Variants in PRDM16 observed in about 807,000 individuals in gnomAD.
PRDM16 encodes the protein PR/SET domain 16, also known as histone-lysine N-methyltransferase PRDM16.
PRDM16 carries 23 observed loss-of-function variants against 110.6 expected under a neutral mutation model. The ratio of observed to expected loss-of-function variants is 0.21; its 90% CI spans 0.15 to 0.29. The LOEUF (loss-of-function observed/expected upper bound fraction) is 0.29, where lower values mean the gene tolerates loss of function less well. Ranked by LOEUF, PRDM16 falls within the 10% of genes least tolerant of loss-of-function variation. The probability of loss-of-function intolerance (pLI) is 1.00; values close to 1 mark genes in which losing one functional copy is unlikely to be tolerated. For missense variants in PRDM16, 1,615 were observed against 1,794.3 expected (o/e 0.90, Z 1.81); for synonymous variants, 799 against 781.8 (o/e 1.02, Z -0.37).
At chr1:3,078,189 G>A (rs1035721171) in intron 1 of PRDM16, among the ~76,000 whole-genome samples, 6 of 152,198 alleles carry the variant, frequency 3.9e-5, no homozygotes, top group African/African-American at 1.4e-4. Flanking sequence ...TCATGGTGTG[G>A]TGGGATTCCT....
intron 2 of PRDM16, among the ~76,000 whole-genome samples, chr1:3,192,534 T>G (rs1638338007): frequency 6.6e-6 from 1 of 152,168 alleles, no homozygotes; most frequent in Non-Finnish European, 1.5e-5. Flanking sequence ...GAGGTCCTAT[T>G]GGAGGCTCTG....
intron 1 of PRDM16, among the ~76,000 whole-genome samples, chr1:3,105,768 C>T (rs987400297): frequency 1.3e-5 from 2 of 152,262 alleles, no homozygotes; most frequent in Non-Finnish European, 2.9e-5. Flanking sequence ...GCCTCCCGCC[C>T]TGAGAACGGG....
Position 3,433,823 on chromosome 1 carries a change from G to T in PRDM16, c.*12G>T, listed in dbSNP as rs1256188133. Reference sequence around the variant, plus strand: ...TCAACCACCTCTGACGGGCTGGGCAGCCGGGGGCCGGTGGCCAGAGCGAGG... The same window carrying T: ...TCAACCACCTCTGACGGGCTGGGCATCCGGGGGCCGGTGGCCAGAGCGAGG... On this transcript the variant is annotated 3_prime_UTR_variant, in exon 17 of 17. Transcript: ENST00000270722. 6.2e-7 allele frequency: 1 copy of T among 1,611,624 alleles called. No homozygotes were observed. The highest frequency in any genetic ancestry group is 8.5e-7 in the Non-Finnish European group (1 of 1,179,676).
At chr1:3,220,357 G>A (rs1184339058) in intron 2 of PRDM16, among the ~76,000 whole-genome samples, 4 of 152,096 alleles carry the variant, frequency 2.6e-5, no homozygotes, top group East Asian at 1.9e-4. Flanking sequence ...TCAGACTCAC[G>A]CCCAGGGCCA....
chr1:3,426,291 A>C (rs1309260179), intron 14 of PRDM16, 66 bp downstream of exon 14: 1 of 1,380,872 alleles, frequency 7.2e-7, no homozygotes, highest in African/African-American at 1.4e-5. Flanking sequence ...GGCCACCCTC[A>C]GAGGACATGC....
rs548868587 is a variant in PRDM16 at position 3,112,128 on chromosome 1, C to T, written c.37+42832C>T. On this transcript the variant is annotated intron_variant, in intron 1 of 16. Transcript: ENST00000270722. ...CTAACTTGAGAAGTTCCTTTCCCCC[C>T]CTTATTTTTGGGGGTGAATTCAGAA... Among the ~76,000 whole-genome samples, 9 of 152,286 alleles carry T rather than the reference C, an allele frequency of 5.9e-5. No homozygotes were observed. The South Asian group carries it at 1.7e-3, about 28-fold the overall frequency.
chr1:3,264,036 CA>C (rs1557566121), intron 3 of PRDM16, among the ~76,000 whole-genome samples: 1 of 152,166 alleles, frequency 6.6e-6, no homozygotes, highest in Admixed American at 6.5e-5. Flanking sequence ...GACTCCTGGC[CA>C]TCTTCCACAA....
intron 3 of PRDM16, among the ~76,000 whole-genome samples, chr1:3,384,287 G>T (rs1489626483): frequency 6.6e-6 from 1 of 152,180 alleles, no homozygotes; most frequent in Non-Finnish European, 1.5e-5. Context: ...TGCCCTGTCT[G>T]GGCTGGGCTG....
chr1:3,433,254 G>A (rs140716344), intron 16 of PRDM16, among the ~76,000 whole-genome samples: 1,559 of 152,372 alleles, frequency 0.01, 11 homozygotes, highest in Non-Finnish European at 0.015. Context: ...GGCGGCCCTC[G>A]TCCCTCCCGC....
chr1:3,324,249 C>T (rs1398536884), intron 3 of PRDM16, among the ~76,000 whole-genome samples: 1 of 152,082 alleles, frequency 6.6e-6, no homozygotes, highest in East Asian at 1.9e-4. Flanking sequence ...GCACTAGGAG[C>T]CCCAAGGAGG....
intron 3 of PRDM16, among the ~76,000 whole-genome samples, chr1:3,323,563 C>CCCGCCAGCTG (rs1176758578): frequency 4.6e-5 from 7 of 152,212 alleles, no homozygotes; most frequent in Non-Finnish European, 8.8e-5. Flanking sequence ...GATCAGGGGC[C>CCCGCCAGCTG]CCGCCAGCTG....
intron 1 of PRDM16, among the ~76,000 whole-genome samples, chr1:3,100,562 C>T (rs1424146229): frequency 6.6e-6 from 1 of 152,168 alleles, no homozygotes; most frequent in Non-Finnish European, 1.5e-5. Flanking sequence ...ATCCCACAGG[C>T]CTGGAGAAGC....
rs1638560049 is a variant in PRDM16, at chr1:3,425,136, G to A, written c.2940-445G>A. ...TCTGTCGCCCAGGCTGGAGTGCGGT[G>A]GCGTGATCTTGGCTCACTGCAAGCT... On this transcript the variant is annotated intron_variant, in intron 12 of 16. Transcript: ENST00000270722. This position sits in a 1 kb window ranked among gnomAD's most constrained non-coding sequence, Gnocchi z 6.9. 6.6e-6 allele frequency: 1 copy of A among 151,240 alleles called. No individual in the cohort carries two copies. The highest frequency in any genetic ancestry group is 2.5e-5 in the African/African-American group (1 of 40,224). 9.4% of individuals were successfully genotyped at this position (151,240 alleles called of 1,614,324 possible). A position where few individuals can be genotyped will look rare whatever the true frequency, so the allele number is the denominator to read the frequency against.
In PRDM16 at chr1:3,410,086, ATG is replaced by A. The variant is rs999459734; in HGVS notation, c.1187-1291_1187-1290del. ...TGGTTGTGTATGTGCATGTGTATGA[ATG>A]TGTGTGGTTGTGTGTGTGCGTGTGT... On this transcript the variant is annotated intron_variant, in intron 8 of 16. Transcript: ENST00000270722. Among the ~76,000 whole-genome samples the A allele has an allele frequency of 3.0e-4, 32 of 106,316 alleles. No individual in the cohort carries two copies. In the Admixed American group the frequency reaches 3.2e-3, roughly 11 times the overall value. 69.7% of individuals were successfully genotyped at this position (106,316 alleles called of 152,430 possible).
chr1:3,069,502 C>T lies in PRDM16; in HGVS notation c.37+206C>T, dbSNP rs1641691053. On this transcript the variant is annotated intron_variant, in intron 1 of 16. Transcript: ENST00000270722. This position sits in a 1 kb window ranked among gnomAD's most constrained non-coding sequence, Gnocchi z 6.1. ...GCGGAGGCTCGGGGCGCCCGGGCCG[C>T]GCGCTCCCCGAAGGCGCCGGCCCCC... 6.8e-6 allele frequency among the ~76,000 whole-genome samples: 1 copy of T among 146,490 alleles called. No individual in the cohort carries two copies. Among genetic ancestry groups the T allele is most frequent in the South Asian group, 2.1e-4 (1 of 4,696 alleles).
intron 4 of PRDM16, among the ~76,000 whole-genome samples, chr1:3,385,714 C>T (rs928817698): frequency 9.9e-5 from 15 of 152,208 alleles, no homozygotes; most frequent in African/African-American, 1.9e-4. Flanking sequence ...CCGAAGAGTC[C>T]GCACCGGCCA....
At chr1:3,324,117 T>C (rs1641830742) in intron 3 of PRDM16, among the ~76,000 whole-genome samples, 1 of 152,072 alleles carries the variant, frequency 6.6e-6, no homozygotes, top group African/African-American at 2.4e-5. Flanking sequence ...AGAGTCCTGG[T>C]GTAGCCTTGA....
chr1:3,136,747 A>G (rs2100693831), intron 1 of PRDM16, among the ~76,000 whole-genome samples: 1 of 152,158 alleles, frequency 6.6e-6, no homozygotes, highest in Non-Finnish European at 1.5e-5. Flanking sequence ...TTGCTCTCTA[A>G]TGGCTGCAGG....
At chr1:3,234,353 G>A (rs1453800704) in intron 2 of PRDM16, among the ~76,000 whole-genome samples, 1 of 152,148 alleles carries the variant, frequency 6.6e-6, no homozygotes, top group Non-Finnish European at 1.5e-5. Context: ...CACGGAGCCT[G>A]CACAAAGGAG....
Sources: allele counts gnomAD v4.1 joint callset (sites outside exome capture counted in the v4.1 genomes callset), GRCh38; gene constraint gnomAD v4.1.1; non-coding constraint Gnocchi (gnomAD v3.1); transcripts MANE v1.5; gene names NCBI Gene and HGNC (gene_info 2026-07-23, HGNC 2026-07-21).